The following CHAT variants were observed in gnomAD, a reference collection of about 807,000 sequenced individuals.
CHAT encodes acetyl CoA:choline O-acetyltransferase.
Under a neutral mutation model 76.9 loss-of-function variants are expected in CHAT, and 61 were observed. That is an observed-to-expected ratio of 0.79 (90% CI 0.65 to 0.98). The LOEUF (loss-of-function observed/expected upper bound fraction) is 0.98. Ranked by LOEUF, CHAT falls within the 50% of genes least tolerant of loss-of-function variation. The pLI, the probability that CHAT is intolerant of heterozygous loss-of-function variation, is 0.00. For missense variants in CHAT, 946 were observed against 986.9 expected (o/e 0.96, Z 0.56); for synonymous variants, 407 against 397.4 (o/e 1.02, Z -0.29).
intron 6 of CHAT, among the ~76,000 whole-genome samples, chr10:49,627,076 G>A (rs1362162359): frequency 2.6e-5 from 4 of 152,202 alleles, no homozygotes; most frequent in African/African-American, 9.7e-5. Context: ...TTCAATGGCT[G>A]GGTAGACATG....
At chr10:49,612,969 C>G (rs1838340968), upstream of CHAT, 2 of 152,344 alleles carry the variant, frequency 1.3e-5, no homozygotes, top group African/African-American at 4.8e-5. Context: ...AGGCCTAGCG[C>G]AGAGCCCGGG....
rs376947247 is a variant in CHAT at position 49,655,228 on chromosome 10, G to T, written c.1768G>T (p.Ala590Ser). 1 of 1,614,042 alleles carries T rather than the reference G, an allele frequency of 6.2e-7. No individual in the cohort carries two copies. The highest frequency in any genetic ancestry group is 8.5e-7 in the Non-Finnish European group (1 of 1,180,044). ...FVRAVTDHKA[A>S]VPASEKLLLL... ...GAGAGCCGTGACTGACCACAAGGCT[G>T]CTGTGCCAGTAAGTCCCGCCCCACC... Residue 590 changes from alanine (A) to serine (S), a missense_variant, in exon 12 of 15, where the codon GCT becomes TCT. Ala to Ser is a moderately conservative substitution (Grantham distance 99). Around this residue, in one of 3 missense-constraint regions of CHAT, gnomAD observed 349 missense variants for 393.9 expected, o/e 0.89. Transcript: ENST00000337653.
At position 49,646,619 on chromosome 10, in the gene CHAT, A is replaced by G; in HGVS notation, c.1226A>G (p.His409Arg). The change falls in exon 8 of 15, where the codon CAC (histidine) becomes CGC (arginine). Residue 409 changes from histidine to arginine, a missense_variant. Transcript: ENST00000337653. ...ACCCACAGGGCACTCCAGCTCCTTCACGGCGGAGGCTACAGCAAGAACGGG... is the reference window on the plus strand; with the variant it reads ...ACCCACAGGGCACTCCAGCTCCTTCGCGGCGGAGGCTACAGCAAGAACGGG... ...SDTHRALQLL[H>R]GGGYSKNGAN... is the part of the protein sequence containing the mutation. The G allele has an allele frequency of 6.2e-7, 1 of 1,614,170 alleles. No individual in the cohort carries two copies.
At chr10:49,621,119 C>T (rs1457153392) in intron 4 of CHAT, among the ~76,000 whole-genome samples, 2 of 152,228 alleles carry the variant, frequency 1.3e-5, no homozygotes, top group Non-Finnish European at 2.9e-5. Context: ...GGCCTCTGGC[C>T]GCTAATGACA....
intron 7 of CHAT, among the ~76,000 whole-genome samples, chr10:49,646,031 C>T (rs1289742983): frequency 1.3e-5 from 2 of 152,046 alleles, no homozygotes; most frequent in Non-Finnish European, 2.9e-5. Flanking sequence ...ATTGCAACAA[C>T]AATTTTGAAA....
chr10:49,622,039 A>AGAC, intron 4 of CHAT, 58 bp from the exon 5 acceptor site: 1 of 1,510,334 alleles, frequency 6.6e-7, no homozygotes, highest in Non-Finnish European at 9.0e-7. Flanking sequence ...GAAGGGAGGG[A>AGAC]GGGAGGGAGG....
At chr10:49,615,139 G>A (rs1264104940) in intron 1 of CHAT, among the ~76,000 whole-genome samples, 1 of 144,756 alleles carries the variant, frequency 6.9e-6, no homozygotes, top group Non-Finnish European at 1.5e-5. Flanking sequence ...CCTGAAGCCT[G>A]ACTAGTGTCT....
chr10:49,619,645 A>G lies in CHAT; in HGVS notation c.388-80A>G. On this transcript the variant is annotated intron_variant, in intron 2 of 14. Coordinates refer to ENST00000337653, the MANE Select transcript of CHAT (RefSeq NM_020549.5). Reference sequence around the variant, plus strand: ...GAGAACAACACAGGGGCAGAACAATACAGATACTAGGGACCAACTTGGGGA... The same window carrying G: ...GAGAACAACACAGGGGCAGAACAATGCAGATACTAGGGACCAACTTGGGGA... 4.3e-6 allele frequency: 6 copies of G among 1,380,744 alleles called. No individual in the cohort carries two copies. The South Asian group carries it at 7.2e-5, about 17-fold the overall frequency. The allele number at this position is 1,380,744 out of a possible 1,614,324, so 85.5% of individuals were successfully genotyped here.
chr10:49,617,126 T>C (rs867590891), intron 2 of CHAT, among the ~76,000 whole-genome samples: 6 of 152,112 alleles, frequency 3.9e-5, no homozygotes, highest in Non-Finnish European at 7.4e-5. Flanking sequence ...CTTCAGGTGG[T>C]TGCATGTGTT....
At chr10:49,654,777 A>G (rs1839980531) in intron 11 of CHAT, among the ~76,000 whole-genome samples, 1 of 152,056 alleles carries the variant, frequency 6.6e-6, no homozygotes. Context: ...CTGTTCATCA[A>G]ACACTCAGGT....
At chr10:49,652,048 G>C in intron 11 of CHAT, 42 bp downstream of exon 11, 1 of 1,613,710 alleles carries the variant, frequency 6.2e-7, no homozygotes, top group Middle Eastern at 1.7e-4. Flanking sequence ...GAGGGCTGAC[G>C]GACACAGTGC....
chr10:49,612,059 G>T, upstream of CHAT: 1 of 1,613,542 alleles, frequency 6.2e-7, no homozygotes, highest in Non-Finnish European at 8.5e-7. Flanking sequence ...ATAGTGGCAG[G>T]CCACATTGTG....
chr10:49,611,355 G>A (rs8187726), upstream of CHAT: 4 of 1,600,660 alleles, frequency 2.5e-6, no homozygotes, highest in East Asian at 2.2e-5. Context: ...ATAAGTACCC[G>A]GAGGAGCCGG....
Position 49,649,623 on chromosome 10 carries a change from G to A in CHAT, c.1498G>A (p.Glu500Lys). The A allele has an allele frequency of 6.2e-7, 1 of 1,613,814 alleles. No individual in the cohort carries two copies. The highest frequency in any genetic ancestry group is 2.2e-5 in the East Asian group (1 of 44,868). The change falls in exon 10 of 15, where the codon GAA (glutamate) becomes AAA (lysine). Residue 500 changes from glutamate to lysine, a missense_variant. Around this residue, in one of 3 missense-constraint regions of CHAT, gnomAD observed 349 missense variants for 393.9 expected, o/e 0.89. Coordinates refer to ENST00000337653, the MANE Select transcript of CHAT (RefSeq NM_020549.5). ...EIQGHLASSA[E>K]KLQRIVKNLD... ...TCAAGGCCACTTAGCCTCCTCGGCA[G>A]AAAAACTTCAACGGTAAGGATAACC... is the stretch of plus-strand genomic sequence containing the variant.
chr10:49,635,952 G>C (rs1044656319), intron 7 of CHAT, among the ~76,000 whole-genome samples: 1 of 152,012 alleles, frequency 6.6e-6, no homozygotes, highest in African/African-American at 2.4e-5. Flanking sequence ...GGGAATAAAA[G>C]GGATACAGAT....
chr10:49,611,759 TGG>T (rs747526585), upstream of CHAT: 1 of 1,603,794 alleles, frequency 6.2e-7, no homozygotes, highest in South Asian at 1.1e-5. Context: ...CCTCATGTGC[TGG>T]GCGTCTACCT....
rs1485983846 is a variant in CHAT, at chr10:49,662,671, C to T, written c.1866C>T (p.Asn622=). 6.2e-7 allele frequency: 1 copy of T among 1,614,102 alleles called. No individual in the cohort carries two copies. Residue 622 remains asparagine, a synonymous_variant, in exon 14 of 15, where the codon AAC becomes AAT. Transcript: ENST00000337653. The part of the protein sequence containing the change: ...VMAITGMAID[N]HLLALRELAR... ...CCATAACAGGGATGGCCATTGACAA[C>T]CACCTGCTGGCACTGCGGGAGCTGG...
chr10:49,641,619 A>G (rs1302167548), intron 7 of CHAT, among the ~76,000 whole-genome samples: 1 of 152,194 alleles, frequency 6.6e-6, no homozygotes, highest in Non-Finnish European at 1.5e-5. Context: ...GTGCGATGGC[A>G]GATTTACCTC....
chr10:49,629,976 C>T (rs1839059470), intron 7 of CHAT, among the ~76,000 whole-genome samples: 1 of 152,144 alleles, frequency 6.6e-6, no homozygotes, highest in South Asian at 2.1e-4. Flanking sequence ...AGAACAATTC[C>T]TGGGCTTTTT....
Sources: allele counts gnomAD v4.1 joint callset (sites outside exome capture counted in the v4.1 genomes callset), GRCh38; gene constraint gnomAD v4.1.1; regional missense constraint gnomAD v4.1.1; transcripts MANE v1.5; gene names NCBI Gene and HGNC (gene_info 2026-07-23, HGNC 2026-07-21).